The following RANBP2 variants were observed in gnomAD, a reference collection of about 807,000 sequenced individuals.
RANBP2 encodes the protein RAN binding protein 2.
In RANBP2, 57 loss-of-function variants were observed where a neutral mutation model predicts 303.6. The ratio of observed to expected loss-of-function variants is 0.19; its 90% CI spans 0.15 to 0.23. RANBP2 has a LOEUF of 0.23. RANBP2 is among the 10% of genes least tolerant of loss of function. RANBP2 has a pLI of 1.00. For synonymous variants in RANBP2, 1,167 were observed against 1,301.5 expected (o/e 0.90, Z 2.23); for missense variants, 3,138 against 3,780.8 (o/e 0.83, Z 4.46).
the RANBP2 span, among the ~76,000 whole-genome samples, chr2:109,139,282 G>T: frequency 1.3e-5 from 2 of 151,956 alleles, no homozygotes; most frequent in Non-Finnish European, 1.5e-5. Context: ...AATTAATGTC[G>T]CCTTAACAAA....
At chr2:109,036,944 G>A in the RANBP2 span, among the ~76,000 whole-genome samples, 1 of 152,096 alleles carries the variant, frequency 6.6e-6, no homozygotes, top group African/African-American at 2.4e-5. Flanking sequence ...AGGAGTTTCA[G>A]ACCAGCCTGG....
the RANBP2 span, among the ~76,000 whole-genome samples, chr2:109,276,677 A>G: frequency 1.2e-3 from 187 of 152,322 alleles, 1 homozygote; most frequent in African/African-American, 4.2e-3. Flanking sequence ...CAAATATTCT[A>G]AGTCAGATAG....
the RANBP2 span, among the ~76,000 whole-genome samples, chr2:109,341,564 A>G: frequency 6.6e-6 from 1 of 152,190 alleles, no homozygotes; most frequent in Non-Finnish European, 1.5e-5. Context: ...TGAGCTGTGA[A>G]TGAGATCCCA....
chr2:109,622,706 C>T, the RANBP2 span, among the ~76,000 whole-genome samples: 9 of 152,332 alleles, frequency 5.9e-5, no homozygotes, highest in East Asian at 1.9e-4. Flanking sequence ...TAAGCATTAA[C>T]GGAAGGGCTT....
the RANBP2 span, chr2:109,613,133 G>A: frequency 1.6e-6 from 2 of 1,277,282 alleles, no homozygotes; most frequent in Non-Finnish European, 2.0e-6. Flanking sequence ...TGGAAAACTC[G>A]ATGTACACGA....
the RANBP2 span, among the ~76,000 whole-genome samples, chr2:108,962,477 T>G: frequency 2.6e-5 from 4 of 151,798 alleles, no homozygotes; most frequent in East Asian, 7.8e-4. Flanking sequence ...ATCGAGACCA[T>G]CCTGGCGAAC....
rs530551139 is a variant in RANBP2 at position 108,741,678 on chromosome 2, T to G, written c.975+997T>G. Among the ~76,000 whole-genome samples, 285 of 150,620 alleles carry G rather than the reference T, an allele frequency of 1.9e-3. 3 individuals are homozygous for G. Among genetic ancestry groups the G allele is most frequent in the African/African-American group, 6.7e-3 (276 of 41,050 alleles). On this transcript the variant is annotated intron_variant, in intron 7 of 28. Coordinates refer to ENST00000283195, the MANE Select transcript of RANBP2 (RefSeq NM_006267.5). ...CTGCCAGCATGCCCAGCTAATTTTT[T>G]TTTTGTACTTTTAGTATAAGAGACG...
chr2:109,443,995 A>G, the RANBP2 span, among the ~76,000 whole-genome samples: 1 of 152,218 alleles, frequency 6.6e-6, no homozygotes, highest in African/African-American at 2.4e-5. Flanking sequence ...CTGGGCCATG[A>G]TATTTTTAAG....
chr2:109,073,292 G>A, the RANBP2 span, among the ~76,000 whole-genome samples: 1 of 152,146 alleles, frequency 6.6e-6, no homozygotes, highest in Non-Finnish European at 1.5e-5. Context: ...GGGTTCAATA[G>A]CAGACTAGGT....
At chr2:109,061,127 T>C in the RANBP2 span, among the ~76,000 whole-genome samples, 3 of 152,004 alleles carry the variant, frequency 2.0e-5, no homozygotes, top group Non-Finnish European at 2.9e-5. Flanking sequence ...GATGTAAAGT[T>C]TGTAGGTCAG....
At chr2:109,319,352 G>A in the RANBP2 span, among the ~76,000 whole-genome samples, 1 of 152,248 alleles carries the variant, frequency 6.6e-6, no homozygotes, top group East Asian at 1.9e-4. Context: ...ACTGCAAAGA[G>A]ACAATGTCCT....
chr2:108,907,783 C>T, the RANBP2 span: 2 of 1,561,134 alleles, frequency 1.3e-6, no homozygotes, highest in South Asian at 1.1e-5. Flanking sequence ...AGAGCTGATT[C>T]AATAAGAAAG....
At chr2:108,862,374 C>T in the RANBP2 span, among the ~76,000 whole-genome samples, 2 of 152,150 alleles carry the variant, frequency 1.3e-5, no homozygotes, top group Non-Finnish European at 2.9e-5. Flanking sequence ...GGGATCTTCA[C>T]AGGCTGGGAG....
At position 108,758,406 on chromosome 2, in the gene RANBP2, C is replaced by G. The variant is rs1290440301; in HGVS notation, c.2467-7C>G. On this transcript the variant is annotated splice_polypyrimidine_tract_variant and splice_region_variant and intron_variant, in intron 17 of 28. Transcript: ENST00000283195. Reference sequence around the variant, plus strand: ...TAAAATTATTTGATTTTTTTTTCTTCCAATAGAAAGAAATGCAGGAGTTGA... The same window carrying G: ...TAAAATTATTTGATTTTTTTTTCTTGCAATAGAAAGAAATGCAGGAGTTGA... 3.7e-6 allele frequency: 6 copies of G among 1,606,992 alleles called. No individual in the cohort carries two copies. In the South Asian group the frequency reaches 4.4e-5, roughly 12 times the overall value.
At chr2:109,227,207 G>C in the RANBP2 span, among the ~76,000 whole-genome samples, 12 of 152,282 alleles carry the variant, frequency 7.9e-5, no homozygotes, top group East Asian at 2.1e-3. Context: ...GAAATTGAGA[G>C]GATCCCACCC....
At chr2:109,140,819 T>TA in the RANBP2 span, among the ~76,000 whole-genome samples, 1 of 152,212 alleles carries the variant, frequency 6.6e-6, no homozygotes, top group South Asian at 2.1e-4. Context: ...GTCCCCAAAC[T>TA]AATCAGTGCC....
At chr2:108,839,275 C>G in the RANBP2 span, 1 of 1,612,040 alleles carries the variant, frequency 6.2e-7, no homozygotes, top group Non-Finnish European at 8.5e-7. Context: ...ATATTGGTCC[C>G]TAAGGCAGCT....
downstream of RANBP2, among the ~76,000 whole-genome samples, chr2:108,787,296 C>T (rs1291319048): frequency 6.6e-6 from 1 of 152,148 alleles, no homozygotes; most frequent in Admixed American, 6.5e-5. Context: ...ACCAAGAATT[C>T]CCTTGTACCC....
chr2:109,007,282 C>T, the RANBP2 span, among the ~76,000 whole-genome samples: 3 of 152,226 alleles, frequency 2.0e-5, no homozygotes, highest in African/African-American at 7.2e-5. Flanking sequence ...AAACCACCAG[C>T]TAGCTCTCTT....
Sources: gnomAD v4.1 joint callset for allele counts (sites outside exome capture counted in the v4.1 genomes callset) on GRCh38, gnomAD v4.1.1 for gene constraint, MANE v1.5 for transcripts, NCBI Gene and HGNC (gene_info 2026-07-23, HGNC 2026-07-21) for gene names.